Variants in PML observed in about 807,000 individuals in gnomAD.
The protein encoded by PML is protein PML.
PML carries 28 observed loss-of-function variants against 65.2 expected under a neutral mutation model. The observed-to-expected ratio is 0.43, with a 90% CI of 0.32 to 0.59. The LOEUF (loss-of-function observed/expected upper bound fraction) is 0.59. Ranked by LOEUF, PML falls within the 20% of genes least tolerant of loss-of-function variation. The pLI is 0.08. For synonymous variants in PML, 500 were observed against 508.8 expected (o/e 0.98, Z 0.23); for missense variants, 1,021 against 1,203.4 (o/e 0.85, Z 2.24).
rs575394803 is a variant in PML, at chr15:74,037,545, T to C, written c.1710+3015T>C. On this transcript the variant is annotated intron_variant, in intron 7 of 8. Coordinates refer to ENST00000268058, the MANE Select transcript of PML (RefSeq NM_033238.3). This position sits in a 1 kb window ranked among gnomAD's most constrained non-coding sequence, Gnocchi z 4.2. The stretch of plus-strand genomic sequence containing the variant: ...CAGCTGTCGGCTCCCCTTCCTCTGC[T>C]CTCCTTGTTTACACTTCAGCCCCCT... The C allele has an allele frequency of 6.5e-5, 64 of 985,214 alleles. 1 individual carries two copies. Among genetic ancestry groups the C allele is most frequent in the Middle Eastern group, 1.0e-3 (2 of 1,914 alleles). 61.0% of individuals were successfully genotyped at this position (985,214 alleles called of 1,614,324 possible).
In PML at chr15:73,998,327, C is replaced by G. The variant is rs2069600869; in HGVS notation, c.453C>G (p.Cys151Trp). ...FECEQLLCAK[C>W]FEAHQWFLKH... ...GCGAGCAGCTCCTCTGCGCCAAGTG[C>G]TTCGAGGCACACCAGTGGTTCCTCA... is the stretch of plus-strand genomic sequence containing the variant. The change falls in exon 2 of 9, where the codon TGC becomes TGG. Residue 151 changes from cysteine to tryptophan, a missense_variant. Coordinates refer to ENST00000268058, the MANE Select transcript of PML (RefSeq NM_033238.3). The G allele has an allele frequency of 6.2e-7, 1 of 1,614,104 alleles. No homozygotes were observed. The highest frequency in any genetic ancestry group is 1.3e-5 in the African/African-American group (1 of 74,948).
intron 4 of PML, chr15:74,031,181 C>A: frequency 2.7e-6 from 1 of 373,968 alleles, no homozygotes; most frequent in Non-Finnish European, 5.4e-6. Context: ...AATCTGCTTT[C>A]TGTGTCTATG....
intron 2 of PML, among the ~76,000 whole-genome samples, chr15:74,004,834 G>A (rs189298052): frequency 4.7e-4 from 71 of 151,328 alleles, no homozygotes; most frequent in African/African-American, 1.6e-3. Flanking sequence ...AGCCTCCCAA[G>A]TAGCTGGAAC....
At chr15:73,999,691 A>C (rs2069669447) in intron 2 of PML, among the ~76,000 whole-genome samples, 1 of 151,976 alleles carries the variant, frequency 6.6e-6, no homozygotes, top group African/African-American at 2.4e-5. Context: ...CGAAAGAAAA[A>C]AATGTATGCA....
In PML at chr15:74,047,646, G is replaced by A; in HGVS notation, c.*2638G>A. 4.8e-6 allele frequency: 1 copy of A among 206,620 alleles called. No homozygotes were observed. 12.8% of individuals were successfully genotyped at this position (206,620 alleles called of 1,614,324 possible). A position where few individuals can be genotyped will look rare whatever the true frequency, so the allele number is the denominator to read the frequency against. On this transcript the variant is annotated 3_prime_UTR_variant, in exon 9 of 9. Coordinates refer to ENST00000268058, the MANE Select transcript of PML (RefSeq NM_033238.3). ...CCTCAGGCTGCACCTCTGGCAAATG[G>A]GAGAATGCGGCTCCTTTTGACTTCA...
rs1478378743 is a variant in PML, at chr15:74,047,590, C to T, written c.*2582C>T. On this transcript the variant is annotated 3_prime_UTR_variant, in exon 9 of 9. Coordinates refer to ENST00000268058, the MANE Select transcript of PML (RefSeq NM_033238.3). The stretch of plus-strand genomic sequence containing the variant: ...CAATCCTCACTTAGTAGTCTGTGGC[C>T]CTCTTTGGCACATTAACCTCCCTCC... 1 of 214,100 alleles carries T rather than the reference C, an allele frequency of 4.7e-6. No homozygotes were observed. Among genetic ancestry groups the T allele is most frequent in the Non-Finnish European group, 9.4e-6 (1 of 106,112 alleles). 13.3% of individuals were successfully genotyped at this position (214,100 alleles called of 1,614,324 possible). A position where few individuals can be genotyped will look rare whatever the true frequency, so the allele number is the denominator to read the frequency against.
intron 2 of PML, among the ~76,000 whole-genome samples, chr15:73,999,521 G>A (rs950811501): frequency 1.3e-5 from 2 of 152,124 alleles, no homozygotes; most frequent in Non-Finnish European, 2.9e-5. Context: ...GTATCACCAC[G>A]TTTCTTAGCT....
chr15:74,014,271 A>G (rs960310709), intron 2 of PML, among the ~76,000 whole-genome samples: 31 of 152,196 alleles, frequency 2.0e-4, no homozygotes, highest in African/African-American at 6.5e-4. Context: ...AGGAGCCAGC[A>G]TTCTGCCTTA....
intron 2 of PML, among the ~76,000 whole-genome samples, chr15:74,018,320 C>T: frequency 9.3e-6 from 1 of 107,252 alleles, no homozygotes; most frequent in Non-Finnish European, 1.9e-5. Flanking sequence ...GAGACTCAGT[C>T]TCAAAAAAAA....
chr15:74,033,119 A>C (rs777391025), intron 5 of PML, 37 bp from the exon 6 acceptor site: 25 of 1,612,726 alleles, frequency 1.6e-5, no homozygotes, highest in Non-Finnish European at 2.1e-5. Context: ...TCACCCCTGC[A>C]GGCACCTGAC....
In PML at chr15:74,042,639, T is replaced by C. The variant is rs1179610435; in HGVS notation, c.1711-350T>C. On this transcript the variant is annotated intron_variant, in intron 7 of 8. Coordinates refer to ENST00000268058, the MANE Select transcript of PML (RefSeq NM_033238.3). The surrounding 1 kb of genome is among the most constrained non-coding windows in gnomAD (Gnocchi z 5.3). The stretch of plus-strand genomic sequence containing the variant: ...CATTTTCTCTCACACTTTCATACAC[T>C]TGTGTCAACGCAGGTTCACAGCTCA... 2.0e-6 allele frequency: 2 copies of C among 985,398 alleles called. No individual in the cohort carries two copies. Among genetic ancestry groups the C allele is most frequent in the Non-Finnish European group, 2.4e-6 (2 of 829,934 alleles). The allele number at this position is 985,398 out of a possible 1,614,324, so 61.0% of individuals were successfully genotyped here.
At chr15:74,034,966 C>A in intron 7 of PML, 1 of 1,474,752 alleles carries the variant, frequency 6.8e-7, no homozygotes, top group South Asian at 1.4e-5. Flanking sequence ...GGTTTGACTC[C>A]ATCCATGTAG....
In PML at chr15:74,023,081, G is replaced by C. The variant is rs759926492; in HGVS notation, c.856G>C (p.Val286Leu). The change falls in exon 3 of 9, where the codon GTG becomes CTG. Residue 286 changes from valine (V) to leucine (L), a missense_variant. Val to Leu is a conservative substitution (Grantham distance 32). Transcript: ENST00000268058. ...GCTGATCCGCGAGCGCGTGCGCCAGGTGGTAGCTCACGTGCGGGCTCAGGA... is the reference window on the plus strand; with the variant it reads ...GCTGATCCGCGAGCGCGTGCGCCAGCTGGTAGCTCACGTGCGGGCTCAGGA... ...EELIRERVRQ[V>L]VAHVRAQERE... 1 of 1,603,136 alleles carries C rather than the reference G, an allele frequency of 6.2e-7. No individual in the cohort carries two copies.
intron 1 of PML, among the ~76,000 whole-genome samples, chr15:73,997,666 A>G (rs2069572182): frequency 6.6e-6 from 1 of 152,158 alleles, no homozygotes; most frequent in African/African-American, 2.4e-5. Context: ...GAACCCCCAA[A>G]CTGTGCATTA....
chr15:74,038,365 G>T (rs2071620029), intron 7 of PML, among the ~76,000 whole-genome samples: 2 of 151,820 alleles, frequency 1.3e-5, no homozygotes. Context: ...TAAGGGAGGG[G>T]GTAAAAGCAC....
chr15:74,000,928 A>G (rs1311694211), intron 2 of PML, among the ~76,000 whole-genome samples: 2 of 152,222 alleles, frequency 1.3e-5, no homozygotes, highest in Non-Finnish European at 2.9e-5. Flanking sequence ...TAAGAAATTT[A>G]GGCTTATAAA....
In PML at chr15:74,037,351, A is replaced by C. The variant is rs1595919889; in HGVS notation, c.1710+2821A>C. 1 of 985,168 alleles carries C rather than the reference A, an allele frequency of 1.0e-6. No homozygotes were observed. The highest frequency in any genetic ancestry group is 1.1e-4 in the East Asian group (1 of 8,824). The allele number at this position is 985,168 out of a possible 1,614,324, so 61.0% of individuals were successfully genotyped here. A position where few individuals can be genotyped will look rare whatever the true frequency, so the allele number is the denominator to read the frequency against. On this transcript the variant is annotated intron_variant, in intron 7 of 8. Coordinates refer to ENST00000268058, the MANE Select transcript of PML (RefSeq NM_033238.3). The surrounding 1 kb of genome is among the most constrained non-coding windows in gnomAD (Gnocchi z 4.2). Reference sequence around the variant, plus strand: ...CCTCGTTAGGGTGGAAGGGATGTCCACCTGCCTCCAGGACTCACCCTGTGT... The same window carrying C: ...CCTCGTTAGGGTGGAAGGGATGTCCCCCTGCCTCCAGGACTCACCCTGTGT...
chr15:74,005,130 G>A (rs2069975347), intron 2 of PML, among the ~76,000 whole-genome samples: 1 of 152,092 alleles, frequency 6.6e-6, no homozygotes, highest in South Asian at 2.1e-4. Flanking sequence ...TCGGCTCACT[G>A]CAACCTCCAC....
Position 74,043,294 on chromosome 15 carries a change from C to A in PML, c.1861+155C>A. ...GGCAGAGCACTCCGGCTCACCTGGG[C>A]TCCTGGCGTGTCATTTGCTGGCTTG... On this transcript the variant is annotated intron_variant, in intron 8 of 8. Transcript: ENST00000268058. The surrounding 1 kb of genome is among the most constrained non-coding windows in gnomAD (Gnocchi z 4.3). 6.6e-7 allele frequency: 1 copy of A among 1,513,584 alleles called. No individual in the cohort carries two copies. Among genetic ancestry groups the A allele is most frequent in the East Asian group, 2.4e-5 (1 of 41,786 alleles). 93.8% of individuals were successfully genotyped at this position (1,513,584 alleles called of 1,614,324 possible). A position where few individuals can be genotyped will look rare whatever the true frequency, so the allele number is the denominator to read the frequency against.
Sources: gnomAD v4.1 joint callset for allele counts (sites outside exome capture counted in the v4.1 genomes callset) on GRCh38, gnomAD v4.1.1 for gene constraint, Gnocchi (gnomAD v3.1) non-coding constraint, MANE v1.5 for transcripts, NCBI Gene and HGNC (gene_info 2026-07-23, HGNC 2026-07-21) for gene names.